Variants in KCNIP1 observed in about 807,000 individuals in gnomAD.
KCNIP1 encodes potassium voltage-gated channel interacting protein 1.
In KCNIP1, 18 loss-of-function variants were observed where a neutral mutation model predicts 33.0. The observed-to-expected ratio is 0.55, with a 90% confidence interval of 0.38 to 0.81. The LOEUF (loss-of-function observed/expected upper bound fraction) is 0.81. Among genes scored for constraint, KCNIP1 ranks in the 30% least tolerant of loss-of-function variants. The pLI is 0.00. For missense variants in KCNIP1, 238 were observed against 271.6 expected, an observed-to-expected ratio of 0.88 and a Z score of 0.87; for synonymous variants, 93 against 98.3, an observed-to-expected ratio of 0.95 and a Z score of 0.32.
chr5:170,708,487 C>T (rs568306748), intron 1 of KCNIP1, among the ~76,000 whole-genome samples: 3 of 152,230 alleles, frequency 2.0e-5, no homozygotes, highest in Admixed American at 6.5e-5. Flanking sequence ...TTAAATTTTC[C>T]CCTGGGTACA....
chr5:170,414,934 C>T (rs1321698666), intron 1 of KCNIP1, among the ~76,000 whole-genome samples: 1 of 152,150 alleles, frequency 6.6e-6, no homozygotes, highest in Admixed American at 6.5e-5. Context: ...GAGATTCTTC[C>T]AGGTGTTGGG....
intron 1 of KCNIP1, among the ~76,000 whole-genome samples, chr5:170,455,606 A>C (rs930625042): frequency 2.0e-5 from 3 of 152,244 alleles, no homozygotes; most frequent in African/African-American, 7.2e-5. Context: ...ATTATACACA[A>C]TCTGTTCCTT....
chr5:170,558,733 T>C (rs1237240718), intron 1 of KCNIP1, among the ~76,000 whole-genome samples: 1 of 152,238 alleles, frequency 6.6e-6, no homozygotes, highest in Non-Finnish European at 1.5e-5. Context: ...CGGTCTATTA[T>C]TATGTTTTAA....
Position 170,720,386 on chromosome 5 carries a change from T to C in KCNIP1, c.252T>C (p.His84=), listed in dbSNP as rs2113871889. The C allele has an allele frequency of 1.9e-6, 3 of 1,613,090 alleles. No individual in the cohort carries two copies. Among genetic ancestry groups the C allele is most frequent in the Non-Finnish European group, 2.5e-6 (3 of 1,179,040 alleles). ...FKQIYAQFFP[H]GDASTYAHYL... The stretch of plus-strand genomic sequence containing the variant: ...AGATCTATGCTCAGTTTTTCCCTCA[T>C]GGAGGTGAGTCTGACCTTGAAATCT... The change falls in exon 3 of 8, where the codon CAT becomes CAC. Residue 84 remains histidine, a synonymous_variant. Coordinates refer to ENST00000328939, the MANE Select transcript of KCNIP1 (RefSeq NM_014592.4).
intron 1 of KCNIP1, among the ~76,000 whole-genome samples, chr5:170,625,985 A>G (rs779197812): frequency 3.9e-5 from 6 of 152,122 alleles, no homozygotes; most frequent in African/African-American, 4.8e-5. Flanking sequence ...GCTTAGCAAA[A>G]CTAAAGAGGC....
At chr5:170,448,956 G>A (rs956485195) in intron 1 of KCNIP1, among the ~76,000 whole-genome samples, 6 of 152,166 alleles carry the variant, frequency 3.9e-5, no homozygotes, top group Admixed American at 6.5e-5. Flanking sequence ...CTAGGGCTAC[G>A]CAGCTGGGAA....
At chr5:170,530,729 C>T (rs1448860292) in intron 1 of KCNIP1, among the ~76,000 whole-genome samples, 6 of 152,188 alleles carry the variant, frequency 3.9e-5, no homozygotes, top group Non-Finnish European at 1.5e-5. Flanking sequence ...AGCAGAGGGA[C>T]CTGCCTGAGG....
At chr5:170,658,369 G>A (rs1761350646) in intron 1 of KCNIP1, among the ~76,000 whole-genome samples, 1 of 152,064 alleles carries the variant, frequency 6.6e-6, no homozygotes, top group South Asian at 2.1e-4. Flanking sequence ...CACTAGCTCA[G>A]GTTTCTCCTA....
intron 1 of KCNIP1, among the ~76,000 whole-genome samples, chr5:170,498,447 G>A (rs1432406993): frequency 6.6e-6 from 1 of 152,072 alleles, no homozygotes; most frequent in Admixed American, 6.5e-5. Context: ...TATGTCCTAT[G>A]TCATCACTTC....
At chr5:170,488,838 C>T (rs1180877994) in intron 1 of KCNIP1, among the ~76,000 whole-genome samples, 3 of 152,152 alleles carry the variant, frequency 2.0e-5, no homozygotes, top group Admixed American at 2.0e-4. Flanking sequence ...GCCAGGCCTG[C>T]AGAGGACCCA....
chr5:170,665,254 G>A (rs769499193), intron 1 of KCNIP1, among the ~76,000 whole-genome samples: 1 of 152,076 alleles, frequency 6.6e-6, no homozygotes, highest in Non-Finnish European at 1.5e-5. Context: ...GGCCCCTGTG[G>A]GATTTGGGAA....
chr5:170,463,354 A>C (rs1219246515), intron 1 of KCNIP1, among the ~76,000 whole-genome samples: 2 of 152,094 alleles, frequency 1.3e-5, no homozygotes, highest in African/African-American at 4.8e-5. Context: ...CCATTACCAA[A>C]CCATACAAAG....
chr5:170,587,175 A>G (rs1758021175), intron 1 of KCNIP1, among the ~76,000 whole-genome samples: 1 of 152,188 alleles, frequency 6.6e-6, no homozygotes, highest in African/African-American at 2.4e-5. Context: ...TAATCCCAGC[A>G]CTTTGAGAGG....
intron 1 of KCNIP1, among the ~76,000 whole-genome samples, chr5:170,361,156 G>A (rs1028334931): frequency 2.0e-5 from 3 of 152,202 alleles, no homozygotes; most frequent in Non-Finnish European, 2.9e-5. Context: ...CAGGTGAGGC[G>A]GCGGTTCTTC....
At chr5:170,568,565 C>T (rs1449520028) in intron 1 of KCNIP1, among the ~76,000 whole-genome samples, 3 of 140,796 alleles carry the variant, frequency 2.1e-5, no homozygotes, top group Non-Finnish European at 4.6e-5. Flanking sequence ...GTAATCCCAG[C>T]ACTTTGGGAG....
intron 1 of KCNIP1, among the ~76,000 whole-genome samples, chr5:170,513,012 T>C (rs1427574304): frequency 3.3e-5 from 5 of 150,658 alleles, no homozygotes; most frequent in Non-Finnish European, 7.4e-5. Context: ...ATCGCGCCAC[T>C]GCACTCCAGC....
At chr5:170,488,533 T>C (rs1757142542) in intron 1 of KCNIP1, among the ~76,000 whole-genome samples, 1 of 152,224 alleles carries the variant, frequency 6.6e-6, no homozygotes, top group Non-Finnish European at 1.5e-5. Flanking sequence ...CATAATTACA[T>C]ATTCATTTGT....
exon 1 of KCNIP1, chr5:170,353,738 G>C: frequency 1.4e-6 from 1 of 730,854 alleles, no homozygotes; most frequent in African/African-American, 1.7e-5. Context: ...CAGCTGTGCT[G>C]TTCCCGGAGC....
At chr5:170,428,280 A>T (rs1486324218) in intron 1 of KCNIP1, among the ~76,000 whole-genome samples, 2 of 152,240 alleles carry the variant, frequency 1.3e-5, no homozygotes, top group African/African-American at 4.8e-5. Flanking sequence ...AAGGAACGTG[A>T]CAGCCAGAGC....
Sources: allele counts gnomAD v4.1 joint callset (sites outside exome capture counted in the v4.1 genomes callset), GRCh38; gene constraint gnomAD v4.1.1; transcripts MANE v1.5; gene names NCBI Gene and HGNC (gene_info 2026-07-23, HGNC 2026-07-21).